The following TMEM135 variants were observed in gnomAD, a reference collection of about 807,000 sequenced individuals.
TMEM135 encodes transmembrane protein 135.
Under a neutral mutation model 60.3 loss-of-function variants are expected in TMEM135, and 30 were observed. The ratio of observed to expected loss-of-function variants is 0.50; its 90% CI spans 0.37 to 0.68. The LOEUF (loss-of-function observed/expected upper bound fraction) is 0.68. TMEM135 is among the 30% of genes least tolerant of loss of function. The pLI is 0.00. For synonymous variants in TMEM135, 190 were observed against 186.7 expected, an observed-to-expected ratio of 1.02 and a Z score of -0.14; for missense variants, 468 against 548.8, an observed-to-expected ratio of 0.85 and a Z score of 1.47.
chr11:87,157,489 A>G, intron 5 of TMEM135, 83 bp downstream of exon 5: 2 of 1,204,348 alleles, frequency 1.7e-6, no homozygotes, highest in Non-Finnish European at 1.2e-6. Flanking sequence ...GAAATCTATG[A>G]TGCTTTGTCT....
In TMEM135 at chr11:87,196,009, C is replaced by T. The variant is rs548418205; in HGVS notation, c.462+38603C>T. 4.6e-5 allele frequency among the ~76,000 whole-genome samples: 7 copies of T among 151,326 alleles called. No homozygotes were observed. In the East Asian group the frequency reaches 1.4e-3, roughly 29 times the overall value. ...AATACTATTAAAAAGTGATCAAGTT[C>T]CAAAATTTTACATAGTATCTGTGCG... On this transcript the variant is annotated intron_variant, in intron 5 of 14. Coordinates refer to ENST00000305494, the MANE Select transcript of TMEM135 (RefSeq NM_022918.4).
chr11:87,273,865 C>G (rs1277827339), intron 6 of TMEM135, among the ~76,000 whole-genome samples: 1 of 151,876 alleles, frequency 6.6e-6, no homozygotes, highest in Non-Finnish European at 1.5e-5. Flanking sequence ...CTATTTGGGT[C>G]CTTATTGTTT....
intron 5 of TMEM135, among the ~76,000 whole-genome samples, chr11:87,185,620 G>GA (rs1939634781): frequency 6.6e-6 from 1 of 152,110 alleles, no homozygotes; most frequent in South Asian, 2.1e-4. Flanking sequence ...AGTCATTGGT[G>GA]ACGATTACCT....
chr11:87,245,007 T>C (rs1039857448), intron 6 of TMEM135, among the ~76,000 whole-genome samples: 12 of 151,338 alleles, frequency 7.9e-5, no homozygotes, highest in African/African-American at 2.9e-4. Context: ...AATTTCCCTC[T>C]GCGCAGTGCT....
chr11:87,039,554 C>A (rs1490432233), intron 1 of TMEM135, among the ~76,000 whole-genome samples: 1 of 152,196 alleles, frequency 6.6e-6, no homozygotes, highest in Non-Finnish European at 1.5e-5. Flanking sequence ...TGTGGCCAGT[C>A]TATGTCTCAG....
intron 4 of TMEM135, among the ~76,000 whole-genome samples, chr11:87,119,105 C>T (rs1591033049): frequency 1.3e-5 from 2 of 152,222 alleles, no homozygotes; most frequent in South Asian, 2.1e-4. Flanking sequence ...AGAAGCCTAG[C>T]TCTGGCCTAT....
chr11:87,161,963 T>C (rs1938892138), intron 5 of TMEM135, among the ~76,000 whole-genome samples: 1 of 152,170 alleles, frequency 6.6e-6, no homozygotes, highest in Admixed American at 6.5e-5. Flanking sequence ...AACTGGCCGG[T>C]ATCTCTAGCC....
At position 87,274,876 on chromosome 11, in the gene TMEM135, A is replaced by G. The variant is rs1165546405; in HGVS notation, c.510-20906A>G. On this transcript the variant is annotated intron_variant, in intron 6 of 14. Coordinates refer to ENST00000305494, the MANE Select transcript of TMEM135 (RefSeq NM_022918.4). ...TATATATATGCATATATATTTATAT[A>G]TATGTATTATATATAGATAAGATGA... 2.0e-5 allele frequency among the ~76,000 whole-genome samples: 3 copies of G among 149,672 alleles called. 1 individual carries two copies. The highest frequency in any genetic ancestry group is 2.1e-4 in the South Asian group (1 of 4,814).
chr11:87,235,043 C>T (rs1229017178), intron 5 of TMEM135, among the ~76,000 whole-genome samples: 1 of 151,780 alleles, frequency 6.6e-6, no homozygotes, highest in Non-Finnish European at 1.5e-5. Context: ...ATGACATTGT[C>T]CAACGGGGAT....
chr11:87,101,062 C>G (rs574628496), intron 4 of TMEM135, among the ~76,000 whole-genome samples: 10 of 152,056 alleles, frequency 6.6e-5, no homozygotes, highest in Admixed American at 2.0e-4. Context: ...TGAAAAGTAC[C>G]CAATTTAAAA....
At chr11:87,266,632 A>G (rs776074189) in intron 6 of TMEM135, among the ~76,000 whole-genome samples, 5 of 152,132 alleles carry the variant, frequency 3.3e-5, no homozygotes, top group Non-Finnish European at 5.9e-5. Flanking sequence ...AGGGGAGAAA[A>G]GAGAAAATGG....
Position 87,328,654 on chromosome 11 carries a change from A to G in TMEM135, c.*7321A>G, listed in dbSNP as rs1942949473. Reference sequence around the variant, plus strand: ...ATAATGGCCTCCAGCTCCATCCAAGATGCTGCAAAAGACATTATTTCATCT... The same window carrying G: ...ATAATGGCCTCCAGCTCCATCCAAGGTGCTGCAAAAGACATTATTTCATCT... On this transcript the variant is annotated 3_prime_UTR_variant, in exon 15 of 15. Coordinates refer to ENST00000305494, the MANE Select transcript of TMEM135 (RefSeq NM_022918.4). 4.4e-6 allele frequency: 2 copies of G among 453,922 alleles called. No individual in the cohort carries two copies. Among genetic ancestry groups the G allele is most frequent in the Admixed American group, 2.4e-5 (1 of 42,550 alleles). 28.1% of individuals were successfully genotyped at this position (453,922 alleles called of 1,614,324 possible). A position where few individuals can be genotyped will look rare whatever the true frequency, so the allele number is the denominator to read the frequency against.
In TMEM135 at chr11:87,067,620, G is replaced by T. The variant is rs557796830; in HGVS notation, c.142-74G>T. 948 of 1,567,158 alleles carry T rather than the reference G, an allele frequency of 6.0e-4. 18 individuals are homozygous for T. In the South Asian group the frequency reaches 0.01, roughly 17 times the overall value. Reference sequence around the variant, plus strand: ...ACTTATAAATATATGCTTTTATACAGTAGCTTCCACATATAAGCTAATTTA... The same window carrying T: ...ACTTATAAATATATGCTTTTATACATTAGCTTCCACATATAAGCTAATTTA... On this transcript the variant is annotated intron_variant, in intron 1 of 14. Coordinates refer to ENST00000305494, the MANE Select transcript of TMEM135 (RefSeq NM_022918.4).
At chr11:87,177,155 G>C (rs1939392396) in intron 5 of TMEM135, among the ~76,000 whole-genome samples, 1 of 152,116 alleles carries the variant, frequency 6.6e-6, no homozygotes, top group African/African-American at 2.4e-5. Context: ...TGCCCCAATT[G>C]AAAGCACTTT....
At chr11:87,274,041 A>G (rs1941921736) in intron 6 of TMEM135, among the ~76,000 whole-genome samples, 1 of 152,142 alleles carries the variant, frequency 6.6e-6, no homozygotes, top group Non-Finnish European at 1.5e-5. Flanking sequence ...GATTTATGAA[A>G]TATATTTTGC....
intron 6 of TMEM135, among the ~76,000 whole-genome samples, chr11:87,278,310 T>C (rs1019718222): frequency 6.6e-6 from 1 of 152,194 alleles, no homozygotes; most frequent in Non-Finnish European, 1.5e-5. Flanking sequence ...ATAACACATA[T>C]ACATTTGTAA....
intron 6 of TMEM135, among the ~76,000 whole-genome samples, chr11:87,281,348 A>T (rs1473160322): frequency 6.6e-6 from 1 of 152,204 alleles, no homozygotes; most frequent in African/African-American, 2.4e-5. Flanking sequence ...TTACTCATGT[A>T]CTATGCACTG....
chr11:87,186,587 TTC>T (rs1939660400), intron 5 of TMEM135, among the ~76,000 whole-genome samples: 1 of 152,210 alleles, frequency 6.6e-6, no homozygotes, highest in African/African-American at 2.4e-5. Context: ...TACAATAAAG[TTC>T]ATCTTTTTTT....
chr11:87,166,862 G>A (rs976364133), intron 5 of TMEM135, among the ~76,000 whole-genome samples: 2 of 152,022 alleles, frequency 1.3e-5, no homozygotes, highest in East Asian at 3.8e-4. Flanking sequence ...GTAGCTTGAT[G>A]GGGATAGCAT....
Sources: allele counts gnomAD v4.1 joint callset (sites outside exome capture counted in the v4.1 genomes callset), GRCh38; gene constraint gnomAD v4.1.1; transcripts MANE v1.5; gene names NCBI Gene and HGNC (gene_info 2026-07-23, HGNC 2026-07-21).